Variants in TFG observed in about 807,000 individuals in gnomAD.
The protein encoded by TFG is trafficking from ER to golgi regulator, also known as protein TFG.
Under a neutral mutation model 51.4 loss-of-function variants are expected in TFG, and 22 were observed. The ratio of observed to expected loss-of-function variants is 0.43; its 90% CI spans 0.31 to 0.61. TFG has a LOEUF of 0.61. Ranked by LOEUF, TFG falls within the 20% of genes least tolerant of loss-of-function variation. The probability of loss-of-function intolerance (pLI) is 0.12; values close to 1 mark genes in which losing one functional copy is unlikely to be tolerated. For synonymous variants in TFG, 187 were observed against 165.6 expected (o/e 1.13, Z -0.99); for missense variants, 419 against 487.7 (o/e 0.86, Z 1.33).
rs540157340 is a variant in TFG, at chr3:100,731,560, T to C, written c.416-948T>C. Among the ~76,000 whole-genome samples the C allele has an allele frequency of 1.1e-3, 175 of 152,316 alleles. 1 individual carries two copies. Among genetic ancestry groups the C allele is most frequent in the Middle Eastern group, 3.4e-3 (1 of 294 alleles). ...TCCAGTTTCAACAGTTACCAACTTATAGTATCATATAATTACACTATACAC... is the reference window on the plus strand; with the variant it reads ...TCCAGTTTCAACAGTTACCAACTTACAGTATCATATAATTACACTATACAC... On this transcript the variant is annotated intron_variant, in intron 4 of 7. Transcript: ENST00000240851.
intron 1 of TFG, chr3:100,710,142 G>A (rs2095026093): frequency 6.6e-6 from 1 of 152,272 alleles, no homozygotes; most frequent in South Asian, 2.1e-4. Context: ...AGGGTGTGGA[G>A]TGGCGCCTAC....
chr3:100,715,269 C>T (rs1228950295), intron 2 of TFG, among the ~76,000 whole-genome samples: 1 of 152,212 alleles, frequency 6.6e-6, no homozygotes, highest in East Asian at 1.9e-4. Flanking sequence ...ACCTTCAACA[C>T]ATGGCTTATA....
At chr3:100,720,376 C>T (rs1362438178) in intron 3 of TFG, among the ~76,000 whole-genome samples, 1 of 152,104 alleles carries the variant, frequency 6.6e-6, no homozygotes, top group Non-Finnish European at 1.5e-5. Flanking sequence ...AATTATCTTC[C>T]TTCACATTAC....
intron 5 of TFG, 108 bp downstream of exon 5, chr3:100,732,780 A>C: frequency 1.0e-6 from 1 of 963,452 alleles, no homozygotes. Context: ...TGAAGTGCAC[A>C]AATCTTAAGG....
At chr3:100,731,394 G>GATAAAA (rs1394638542) in intron 4 of TFG, among the ~76,000 whole-genome samples, 2 of 152,106 alleles carry the variant, frequency 1.3e-5, no homozygotes, top group East Asian at 3.8e-4. Context: ...TTAGTATCCT[G>GATAAAA]AGAAGAAAAG....
intron 3 of TFG, among the ~76,000 whole-genome samples, chr3:100,726,084 C>T (rs2095074955): frequency 6.6e-6 from 1 of 152,056 alleles, no homozygotes; most frequent in African/African-American, 2.4e-5. Context: ...AGTCCAAGTC[C>T]AAAAGCCTGA....
chr3:100,718,049 C>T (rs760506542), intron 2 of TFG, among the ~76,000 whole-genome samples: 12 of 152,138 alleles, frequency 7.9e-5, no homozygotes, highest in Non-Finnish European at 1.5e-4. Context: ...CTCAGCCTCC[C>T]GTGTAGCTGG....
At chr3:100,719,903 C>T in intron 2 of TFG, 72 bp from the exon 3 acceptor site, 1 of 874,508 alleles carries the variant, frequency 1.1e-6, no homozygotes. Flanking sequence ...TTAATTTTTA[C>T]TAGTTTACTG....
chr3:100,747,870 C>A (rs1031821925), intron 7 of TFG, among the ~76,000 whole-genome samples: 2 of 152,040 alleles, frequency 1.3e-5, no homozygotes, highest in Non-Finnish European at 2.9e-5. Flanking sequence ...AAGTATAATT[C>A]TTTCATTTAT....
intron 3 of TFG, among the ~76,000 whole-genome samples, chr3:100,725,843 A>G (rs918022268): frequency 6.6e-6 from 1 of 152,094 alleles, no homozygotes; most frequent in Non-Finnish European, 1.5e-5. Flanking sequence ...GTGTTTAGTA[A>G]GTTTATCTTG....
chr3:100,713,594 ACTTTT>A (rs2095036977), intron 1 of TFG, 44 bp from the exon 2 acceptor site: 2 of 900,574 alleles, frequency 2.2e-6, no homozygotes, highest in East Asian at 5.6e-5. Context: ...TTTGCTCTCA[ACTTTT>A]ACGGTATGTT....
chr3:100,725,442 A>G (rs763264826), intron 3 of TFG, among the ~76,000 whole-genome samples: 3 of 151,758 alleles, frequency 2.0e-5, no homozygotes. Flanking sequence ...AATTATGTCT[A>G]TGCTGTTTCA....
chr3:100,747,509 A>G (rs2095141482), intron 7 of TFG: 1 of 152,576 alleles, frequency 6.6e-6, no homozygotes, highest in African/African-American at 2.4e-5. Context: ...TCGTTGTAAA[A>G]AAAATTACAT....
chr3:100,715,052 T>C (rs1327875013), intron 2 of TFG, among the ~76,000 whole-genome samples: 1 of 152,242 alleles, frequency 6.6e-6, no homozygotes, highest in Non-Finnish European at 1.5e-5. Flanking sequence ...TTAGCACTGC[T>C]ACCCACACCA....
chr3:100,725,900 C>T (rs1317024355), intron 3 of TFG, among the ~76,000 whole-genome samples: 2 of 152,156 alleles, frequency 1.3e-5, no homozygotes, highest in East Asian at 1.9e-4. Context: ...TATATTCACA[C>T]TAATGAAGAT....
chr3:100,719,515 G>A (rs72928991), intron 2 of TFG, among the ~76,000 whole-genome samples: 1 of 152,158 alleles, frequency 6.6e-6, no homozygotes, highest in Non-Finnish European at 1.5e-5. Flanking sequence ...AGAATTTACT[G>A]TCTATCCATT....
chr3:100,739,441 T>C (rs2095115392), intron 6 of TFG, among the ~76,000 whole-genome samples: 1 of 151,212 alleles, frequency 6.6e-6, no homozygotes, highest in Non-Finnish European at 1.5e-5. Context: ...ATAAAGCCAG[T>C]GCCTGTTACA....
At chr3:100,721,711 A>G (rs554704665) in intron 3 of TFG, among the ~76,000 whole-genome samples, 1 of 152,334 alleles carries the variant, frequency 6.6e-6, no homozygotes, top group Non-Finnish European at 1.5e-5. Context: ...TTTCTCACAG[A>G]CAAAACCGTA....
At chr3:100,731,538 A>T (rs1259205493) in intron 4 of TFG, among the ~76,000 whole-genome samples, 1 of 152,202 alleles carries the variant, frequency 6.6e-6, no homozygotes, top group Non-Finnish European at 1.5e-5. Context: ...ACCCACATCC[A>T]GTTTCAACAG....
Sources: allele counts gnomAD v4.1 joint callset (sites outside exome capture counted in the v4.1 genomes callset), GRCh38; gene constraint gnomAD v4.1.1; transcripts MANE v1.5; gene names NCBI Gene and HGNC (gene_info 2026-07-23, HGNC 2026-07-21).